DLC1: variants seen among roughly 807,000 people sequenced by gnomAD.
DLC1 encodes rho GTPase-activating protein 7.
A neutral mutation model predicts 140.3 loss-of-function variants in DLC1; 54 were observed. The ratio of observed to expected loss-of-function variants is 0.38; its 90% confidence interval spans 0.31 to 0.48. The LOEUF is 0.48. Ranked by LOEUF, DLC1 falls within the 20% of genes least tolerant of loss-of-function variation. The probability of loss-of-function intolerance (pLI) is 0.96; values close to 1 mark genes in which losing one functional copy is unlikely to be tolerated. For synonymous variants in DLC1, 986 were observed against 728.1 expected (o/e 1.35, Z -5.70); for missense variants, 2,536 against 1,907.0 (o/e 1.33, Z -6.14).
At chr8:13,327,120 A>ATTTTTTTTTT (rs34667525) in intron 4 of DLC1, among the ~76,000 whole-genome samples, 6 of 85,660 alleles carry the variant, frequency 7.0e-5, no homozygotes, top group Non-Finnish European at 1.3e-4. Context: ...ACACCCGGCT[A>ATTTTTTTTTT]TTTTTTTTTT....
chr8:13,577,020 C>G (rs1804864466), intron 1 of DLC1, among the ~76,000 whole-genome samples: 1 of 152,176 alleles, frequency 6.6e-6, no homozygotes, highest in South Asian at 2.1e-4. Context: ...TGGACATAAT[C>G]TACTGACTCT....
chr8:13,220,992 C>T (rs1034838640), intron 5 of DLC1, among the ~76,000 whole-genome samples: 1 of 152,104 alleles, frequency 6.6e-6, no homozygotes. Flanking sequence ...GTTAGGTGAT[C>T]ACATTTTAAA....
At chr8:13,170,510 CATG>C (rs1825387878) in intron 5 of DLC1, among the ~76,000 whole-genome samples, 1 of 152,096 alleles carries the variant, frequency 6.6e-6, no homozygotes, top group Admixed American at 6.5e-5. Flanking sequence ...GTGGGCGGAT[CATG>C]AGGTCAGGAA....
chr8:13,387,496 T>C (rs1836574781), intron 4 of DLC1, among the ~76,000 whole-genome samples: 2 of 151,980 alleles, frequency 1.3e-5, no homozygotes, highest in South Asian at 4.1e-4. Flanking sequence ...TCAAGATTTT[T>C]TTTTCAGTTT....
At chr8:13,489,211 T>C (rs915320620) in intron 2 of DLC1, among the ~76,000 whole-genome samples, 41 of 152,032 alleles carry the variant, frequency 2.7e-4, no homozygotes, top group African/African-American at 9.2e-4. Flanking sequence ...CTCCCCAAAG[T>C]GCTGGGATTA....
intron 2 of DLC1, among the ~76,000 whole-genome samples, chr8:13,424,524 C>G (rs1039537921): frequency 6.6e-6 from 1 of 151,950 alleles, no homozygotes; most frequent in African/African-American, 2.4e-5. Flanking sequence ...AAAGTCAGAT[C>G]TCCAGTATTT....
chr8:13,221,053 A>C (rs999382428), intron 5 of DLC1, among the ~76,000 whole-genome samples: 1 of 152,230 alleles, frequency 6.6e-6, no homozygotes, highest in Non-Finnish European at 1.5e-5. Context: ...ACTCCAGTGC[A>C]CAATAAAATA....
At chr8:13,477,869 A>G (rs1327727212) in intron 2 of DLC1, among the ~76,000 whole-genome samples, 2 of 152,208 alleles carry the variant, frequency 1.3e-5, no homozygotes, top group African/African-American at 4.8e-5. Context: ...AAAAAAATCA[A>G]TAGTAGAGAA....
chr8:13,587,286 C>G (rs921689814), intron 1 of DLC1, among the ~76,000 whole-genome samples: 2 of 145,416 alleles, frequency 1.4e-5, no homozygotes, highest in African/African-American at 5.1e-5. Context: ...TAACCATAGC[C>G]AAGAAAAAAA....
chr8:13,544,197 A>AACAC lies in DLC1; in HGVS notation c.-125-44005_-125-44002dup, dbSNP rs3988455. 2.0e-3 allele frequency among the ~76,000 whole-genome samples: 285 copies of AACAC among 144,868 alleles called. 1 individual carries two copies. Among genetic ancestry groups the AACAC allele is most frequent in the East Asian group, 4.9e-3 (24 of 4,934 alleles). Reference sequence around the variant, plus strand: ...TGTCATTCTCTCTTACACACACACAAACACACACACACACACACACACACA... The same window carrying AACAC: ...TGTCATTCTCTCTTACACACACACAAACACACACACACACACACACACACACACA... On this transcript the variant is annotated intron_variant, in intron 1 of 1. Coordinates refer to the DLC1 transcript ENST00000631382.
At chr8:13,399,754 GT>G (rs1332737747) in intron 3 of DLC1, among the ~76,000 whole-genome samples, 1 of 152,090 alleles carries the variant, frequency 6.6e-6, no homozygotes, top group Non-Finnish European at 1.5e-5. Flanking sequence ...TTATTTTTAT[GT>G]TAAAGACATC....
rs563420314 is a variant in DLC1, at chr8:13,321,654, C to G, written c.1315-16352G>C. ...TGTCCTCTTTCCAGTTAGCAGCATT[C>G]TTTTCTGCAGGAAGTCACCATCATA... On this transcript the variant is annotated intron_variant, in intron 4 of 17. Transcript: ENST00000276297. Among the ~76,000 whole-genome samples, 3 of 150,714 alleles carry G rather than the reference C, an allele frequency of 2.0e-5. No homozygotes were observed. In the South Asian group the frequency reaches 6.3e-4, roughly 32 times the overall value.
chr8:13,095,461 A>G, intron 10 of DLC1: 3 of 588,496 alleles, frequency 5.1e-6, no homozygotes, highest in Non-Finnish European at 6.0e-6. Flanking sequence ...TACCTACTGT[A>G]TTGGCCTGTG....
intron 4 of DLC1, among the ~76,000 whole-genome samples, chr8:13,305,563 T>C (rs886522220): frequency 6.6e-6 from 1 of 152,252 alleles, no homozygotes; most frequent in East Asian, 1.9e-4. Context: ...ATAGGCTGGG[T>C]GTGGTGGTTC....
rs143126461 is a variant in DLC1, at chr8:13,343,221, A to G, written c.1315-37919T>C. Among the ~76,000 whole-genome samples, 488 of 152,280 alleles carry G rather than the reference A, an allele frequency of 3.2e-3. 2 individuals carry two copies. The highest frequency in any genetic ancestry group is 5.2e-3 in the Non-Finnish European group (357 of 68,036). ...GAGTCAGAGATTGGGTCATCCATGAATACCCGGCTTCCTCCAGTTAGTTCA... is the reference window on the plus strand; with the variant it reads ...GAGTCAGAGATTGGGTCATCCATGAGTACCCGGCTTCCTCCAGTTAGTTCA... On this transcript the variant is annotated intron_variant, in intron 4 of 17. Transcript: ENST00000276297.
At chr8:13,162,503 A>G (rs1179024237) in intron 5 of DLC1, among the ~76,000 whole-genome samples, 3 of 152,138 alleles carry the variant, frequency 2.0e-5, no homozygotes, top group Non-Finnish European at 2.9e-5. Context: ...TTATATTTTT[A>G]GTAGAGACGG....
chr8:13,579,888 G>A (rs1805022101), intron 1 of DLC1, among the ~76,000 whole-genome samples: 2 of 151,794 alleles, frequency 1.3e-5, no homozygotes, highest in Non-Finnish European at 1.5e-5. Flanking sequence ...GATTTCCTAA[G>A]CACTCTCTAG....
chr8:13,144,704 G>T (rs961284071), intron 5 of DLC1, among the ~76,000 whole-genome samples: 5 of 152,190 alleles, frequency 3.3e-5, no homozygotes, highest in African/African-American at 1.2e-4. Context: ...GGCAGAGCTT[G>T]CAGTGAGCCG....
chr8:13,533,252 TTTG>T (rs1484727079), intron 1 of DLC1, among the ~76,000 whole-genome samples: 2 of 151,962 alleles, frequency 1.3e-5, no homozygotes, highest in African/African-American at 4.9e-5. Context: ...GTTGTTTTTT[TTTG>T]TGTTTTCTAA....
Sources: allele counts gnomAD v4.1 joint callset (sites outside exome capture counted in the v4.1 genomes callset), GRCh38; gene constraint gnomAD v4.1.1; transcripts MANE v1.5; gene names NCBI Gene and HGNC (gene_info 2026-07-23, HGNC 2026-07-21).